The following TCF4 variants were observed in gnomAD, a reference collection of about 807,000 sequenced individuals.
TCF4 encodes the protein transcription factor 4.
A neutral mutation model predicts 82.1 loss-of-function variants in TCF4; 3 were observed. The observed-to-expected ratio is 0.04, with a 90% CI of 0.02 to 0.09. TCF4 has a LOEUF of 0.09. Among genes scored for constraint, TCF4 ranks in the 10% least tolerant of loss-of-function variants. The pLI is 1.00. For synonymous variants in TCF4, 276 were observed against 309.6 expected, an observed-to-expected ratio of 0.89 and a Z score of 1.14; for missense variants, 518 against 852.7, an observed-to-expected ratio of 0.61 and a Z score of 4.89.
intron 3 of TCF4, among the ~76,000 whole-genome samples, chr18:55,519,496 C>T (rs2096915702): frequency 6.6e-6 from 1 of 151,730 alleles, no homozygotes; most frequent in Non-Finnish European, 1.5e-5. Context: ...ACCAACTGTC[C>T]CCATTTCCTC....
chr18:55,556,656 C>T (rs2097307058), intron 3 of TCF4, among the ~76,000 whole-genome samples: 1 of 152,188 alleles, frequency 6.6e-6, no homozygotes, highest in Non-Finnish European at 1.5e-5. Flanking sequence ...CACCAAACCA[C>T]ATGGAGAATT....
intron 6 of TCF4, among the ~76,000 whole-genome samples, chr18:55,352,190 A>G (rs922213824): frequency 6.6e-6 from 1 of 152,178 alleles, no homozygotes; most frequent in Non-Finnish European, 1.5e-5. Context: ...GCAGTCACCA[A>G]CTAAAACAAA....
intron 2 of TCF4, among the ~76,000 whole-genome samples, chr18:55,611,952 G>A (rs1301109724): frequency 6.6e-6 from 1 of 152,042 alleles, no homozygotes. Context: ...TGTATTTTTA[G>A]TAGAGATGGG....
intron 2 of TCF4, among the ~76,000 whole-genome samples, chr18:55,620,662 A>G (rs188033335): frequency 1.1e-4 from 16 of 152,304 alleles, no homozygotes; most frequent in African/African-American, 3.8e-4. Flanking sequence ...TGCACTGCAG[A>G]TCTGAAACTG....
intron 8 of TCF4, among the ~76,000 whole-genome samples, chr18:55,309,032 G>C (rs1046113023): frequency 2.0e-5 from 3 of 152,156 alleles, no homozygotes; most frequent in Non-Finnish European, 2.9e-5. Context: ...AACTTGGCTA[G>C]TGCAACCAAG....
At chr18:55,263,257 T>C (rs770740391) in intron 11 of TCF4, among the ~76,000 whole-genome samples, 1 of 152,168 alleles carries the variant, frequency 6.6e-6, no homozygotes, top group Non-Finnish European at 1.5e-5. Flanking sequence ...AGTTATGATA[T>C]TAAAATACAT....
chr18:55,311,110 C>A (rs971256770), intron 8 of TCF4, among the ~76,000 whole-genome samples: 5 of 149,182 alleles, frequency 3.4e-5, no homozygotes, highest in African/African-American at 1.2e-4. Context: ...GTGTGCTATG[C>A]CAAAACAAAC....
intron 8 of TCF4, among the ~76,000 whole-genome samples, chr18:55,284,849 G>A (rs2146404003): frequency 6.6e-6 from 1 of 152,276 alleles, no homozygotes; most frequent in African/African-American, 2.4e-5. Context: ...CCTCAACTGT[G>A]ACAGTTAAAC....
chr18:55,421,926 T>G (rs1350571600), intron 5 of TCF4, among the ~76,000 whole-genome samples: 1 of 151,990 alleles, frequency 6.6e-6, no homozygotes, highest in Admixed American at 6.6e-5. Flanking sequence ...GTGTTAAATA[T>G]TTGTCGATAT....
intron 5 of TCF4, among the ~76,000 whole-genome samples, chr18:55,445,227 C>T (rs1373447107): frequency 6.6e-6 from 1 of 152,088 alleles, no homozygotes; most frequent in Non-Finnish European, 1.5e-5. Context: ...ACAAGAGACC[C>T]TTCATTTCTC....
In TCF4 at chr18:55,351,483, C is replaced by T. The variant is rs2082308384; in HGVS notation, c.370-480G>A. Among the ~76,000 whole-genome samples the T allele has an allele frequency of 2.0e-5, 3 of 152,120 alleles. No homozygotes were observed. In the South Asian group the frequency reaches 6.2e-4, roughly 32 times the overall value. The stretch of plus-strand genomic sequence containing the variant: ...CCTCTCTGTACCGCATATCATGATT[C>T]TCCACGAACTGACATAGCACCCACA... On this transcript the variant is annotated intron_variant, in intron 6 of 19. Transcript: ENST00000354452.
At chr18:55,357,812 T>C (rs1236454999) in intron 6 of TCF4, among the ~76,000 whole-genome samples, 2 of 152,196 alleles carry the variant, frequency 1.3e-5, no homozygotes, top group Non-Finnish European at 2.9e-5. Flanking sequence ...AAAGGCTCAA[T>C]TATAGCCTAA....
intron 3 of TCF4, among the ~76,000 whole-genome samples, chr18:55,488,251 C>T (rs1372488536): frequency 6.6e-6 from 1 of 152,168 alleles, no homozygotes; most frequent in Non-Finnish European, 1.5e-5. Flanking sequence ...GACACACATA[C>T]ATTCCGTTTT....
rs35255242 is a variant in TCF4, at chr18:55,429,764, CAAAAAAAAA to C, written c.305-26255_305-26247del. ...TGGGGGACAGAGCAAGACTCCATCT[CAAAAAAAAA>C]AAAAAAAAAAAAAAAACAATTTGGT... On this transcript the variant is annotated intron_variant, in intron 5 of 19. Coordinates refer to ENST00000354452, the MANE Select transcript of TCF4 (RefSeq NM_001083962.2). 6.1e-4 allele frequency among the ~76,000 whole-genome samples: 35 copies of C among 57,180 alleles called. No homozygotes were observed. The East Asian group carries it at 0.013, about 21-fold the overall frequency. The allele number at this position is 57,180 out of a possible 152,430, so 37.5% of individuals were successfully genotyped here.
intron 5 of TCF4, among the ~76,000 whole-genome samples, chr18:55,421,985 T>A (rs2094777028): frequency 1.3e-5 from 2 of 151,530 alleles, no homozygotes; most frequent in Non-Finnish European, 2.9e-5. Context: ...GAGTGTCTCC[T>A]AAAATTACAT....
chr18:55,596,404 A>G (rs2097690993), intron 2 of TCF4, among the ~76,000 whole-genome samples: 1 of 152,214 alleles, frequency 6.6e-6, no homozygotes. Flanking sequence ...CTCATCTATT[A>G]AAAGGGTATA....
intron 5 of TCF4, among the ~76,000 whole-genome samples, chr18:55,452,257 G>A (rs1469191608): frequency 6.6e-6 from 1 of 152,142 alleles, no homozygotes; most frequent in Non-Finnish European, 1.5e-5. Flanking sequence ...TTGGCATGTT[G>A]TCTAAAACTA....
intron 5 of TCF4, among the ~76,000 whole-genome samples, chr18:55,406,762 C>T (rs1029788578): frequency 1.3e-5 from 2 of 152,144 alleles, no homozygotes; most frequent in African/African-American, 2.4e-5. Context: ...ACAACCACAA[C>T]GGGGCTTTGA....
At chr18:55,501,836 T>G (rs758831552) in intron 3 of TCF4, among the ~76,000 whole-genome samples, 1 of 152,162 alleles carries the variant, frequency 6.6e-6, no homozygotes, top group Non-Finnish European at 1.5e-5. Context: ...AGCTGTGTCT[T>G]CTTTCAACAG....
Sources: gnomAD v4.1 joint callset for allele counts (sites outside exome capture counted in the v4.1 genomes callset) on GRCh38, gnomAD v4.1.1 for gene constraint, MANE v1.5 for transcripts, NCBI Gene and HGNC (gene_info 2026-07-23, HGNC 2026-07-21) for gene names.